The following UMAD1 variants were observed in gnomAD, a reference collection of about 807,000 sequenced individuals.
UMAD1 encodes UBAP1-MVB12-associated (UMA) domain containing 1, also known as UBAP1-MVB12-associated (UMA)-domain containing protein 1.
UMAD1 carries 8 observed loss-of-function variants against 6.1 expected under a neutral mutation model. That is an observed-to-expected ratio of 1.30 (90% CI 0.76 to 2.35). The LOEUF is 2.35. Among genes scored for constraint, UMAD1 ranks in the 30% most tolerant of loss-of-function variants. The probability of loss-of-function intolerance (pLI) is 0.00; values close to 1 mark genes in which losing one functional copy is unlikely to be tolerated. For synonymous variants in UMAD1, 56 were observed against 31.4 expected, an observed-to-expected ratio of 1.78 and a Z score of -2.61; for missense variants, 130 against 78.4, an observed-to-expected ratio of 1.66 and a Z score of -2.49.
At chr7:7,720,503 T>C (rs556887544) in intron 2 of UMAD1, among the ~76,000 whole-genome samples, 25 of 152,186 alleles carry the variant, frequency 1.6e-4, no homozygotes, top group Non-Finnish European at 2.9e-4. Flanking sequence ...TATGGTACTA[T>C]AGACTACTGA....
intron 1 of UMAD1, among the ~76,000 whole-genome samples, chr7:7,644,277 T>G (rs997360812): frequency 6.6e-6 from 1 of 152,114 alleles, no homozygotes; most frequent in Non-Finnish European, 1.5e-5. Flanking sequence ...TAAGAGCTTT[T>G]TATTAGTGAG....
At chr7:7,870,550 G>A (rs1018654631) in intron 3 of UMAD1, among the ~76,000 whole-genome samples, 3 of 152,154 alleles carry the variant, frequency 2.0e-5, no homozygotes, top group Non-Finnish European at 4.4e-5. Flanking sequence ...AAGACTTTGT[G>A]TCTAAGAGAA....
chr7:7,702,457 G>A (rs1780483521), intron 2 of UMAD1, among the ~76,000 whole-genome samples: 1 of 152,116 alleles, frequency 6.6e-6, no homozygotes, highest in South Asian at 2.1e-4. Flanking sequence ...GGGGAGGCAG[G>A]AAACCTGGCT....
At chr7:7,784,359 A>G (rs572834977) in intron 2 of UMAD1, among the ~76,000 whole-genome samples, 51 of 145,788 alleles carry the variant, frequency 3.5e-4, no homozygotes, top group African/African-American at 1.2e-3. Context: ...TTTTTGAGAC[A>G]GAGTCTTGCT....
chr7:7,847,994 T>A (rs1385541173), intron 3 of UMAD1, among the ~76,000 whole-genome samples: 1 of 152,194 alleles, frequency 6.6e-6, no homozygotes, highest in Non-Finnish European at 1.5e-5. Flanking sequence ...CGAACCAATA[T>A]GAATTAAGCC....
At chr7:7,645,857 C>A (rs1785081871) in intron 1 of UMAD1, among the ~76,000 whole-genome samples, 1 of 149,426 alleles carries the variant, frequency 6.7e-6, no homozygotes, top group Non-Finnish European at 1.5e-5. Context: ...TGAGATTGGT[C>A]TGTAATTTTC....
At chr7:7,863,859 C>G (rs990067597) in intron 3 of UMAD1, among the ~76,000 whole-genome samples, 1 of 152,130 alleles carries the variant, frequency 6.6e-6, no homozygotes, top group Non-Finnish European at 1.5e-5. Context: ...CTTTTTTTCC[C>G]CAGTCCAAGT....
intron 2 of UMAD1, among the ~76,000 whole-genome samples, chr7:7,674,039 T>C (rs1779678204): frequency 6.6e-6 from 1 of 152,202 alleles, no homozygotes; most frequent in Non-Finnish European, 1.5e-5. Flanking sequence ...CATGTCACAT[T>C]TCTTCCCCTG....
chr7:7,715,384 T>C (rs76270775), intron 2 of UMAD1, among the ~76,000 whole-genome samples: 2,671 of 152,324 alleles, frequency 0.018, 79 homozygotes, highest in African/African-American at 0.061. Context: ...ATGAATTTTT[T>C]CCCAAATCTG....
chr7:7,855,486 C>G (rs1397045991), intron 3 of UMAD1, among the ~76,000 whole-genome samples: 2 of 152,360 alleles, frequency 1.3e-5, no homozygotes, highest in East Asian at 3.9e-4. Flanking sequence ...CTTGCACCCT[C>G]TGAAGGAACG....
intron 2 of UMAD1, among the ~76,000 whole-genome samples, chr7:7,735,069 G>A (rs1313400394): frequency 1.3e-5 from 2 of 150,142 alleles, no homozygotes; most frequent in African/African-American, 5.0e-5. Context: ...AAAACCAATA[G>A]TGTAAAAAAA....
At chr7:7,821,070 T>G (rs1358385546) in intron 3 of UMAD1, among the ~76,000 whole-genome samples, 1 of 152,212 alleles carries the variant, frequency 6.6e-6, no homozygotes, top group Non-Finnish European at 1.5e-5. Flanking sequence ...TTCTGGTATT[T>G]TGTAGCTTAC....
intron 2 of UMAD1, among the ~76,000 whole-genome samples, chr7:7,786,018 A>G (rs1317252768): frequency 1.3e-5 from 2 of 152,240 alleles, no homozygotes; most frequent in African/African-American, 4.8e-5. Context: ...TCACAAAAAC[A>G]GTACAAAGTG....
At chr7:7,645,237 G>C (rs1785067095) in intron 1 of UMAD1, among the ~76,000 whole-genome samples, 1 of 152,054 alleles carries the variant, frequency 6.6e-6, no homozygotes, top group Non-Finnish European at 1.5e-5. Flanking sequence ...GCCTAGGATA[G>C]AGCCTTCAGT....
At chr7:7,799,993 C>T (rs1442350877) in intron 2 of UMAD1, among the ~76,000 whole-genome samples, 1 of 152,230 alleles carries the variant, frequency 6.6e-6, no homozygotes, top group Non-Finnish European at 1.5e-5. Context: ...AAGTGATTCT[C>T]CTGCCTCAGC....
At chr7:7,728,436 G>A (rs1483329209) in intron 2 of UMAD1, among the ~76,000 whole-genome samples, 4 of 152,168 alleles carry the variant, frequency 2.6e-5, no homozygotes, top group African/African-American at 9.7e-5. Context: ...ATGAGGTCAG[G>A]AGGTTGAGAC....
intron 2 of UMAD1, among the ~76,000 whole-genome samples, chr7:7,704,377 C>T (rs993360911): frequency 1.3e-5 from 2 of 151,826 alleles, no homozygotes; most frequent in Non-Finnish European, 2.9e-5. Flanking sequence ...ATATAACTGA[C>T]GTAAGAGTCC....
At chr7:7,693,636 T>TTTAAATATAAA (rs1475232662) in intron 2 of UMAD1, among the ~76,000 whole-genome samples, 1 of 152,164 alleles carries the variant, frequency 6.6e-6, no homozygotes, top group Non-Finnish European at 1.5e-5. Context: ...AAATTGTTTA[T>TTTAAATATAAA]TTAAATTCTA....
At chr7:7,717,254 A>C (rs905794601) in intron 2 of UMAD1, among the ~76,000 whole-genome samples, 1 of 151,624 alleles carries the variant, frequency 6.6e-6, no homozygotes, top group Non-Finnish European at 1.5e-5. Context: ...ACTGGGTTTC[A>C]CCACGTTGGC....
Sources: allele counts gnomAD v4.1 joint callset (sites outside exome capture counted in the v4.1 genomes callset), GRCh38; gene constraint gnomAD v4.1.1; transcripts MANE v1.5; gene names NCBI Gene and HGNC (gene_info 2026-07-23, HGNC 2026-07-21).